DIP2C: variants seen among roughly 807,000 people sequenced by gnomAD.
DIP2C encodes DIP2 acetate--CoA ligase C (putative), also known as disco-interacting protein 2 homolog C.
A neutral mutation model predicts 192.4 loss-of-function variants in DIP2C; 33 were observed. The ratio of observed to expected loss-of-function variants is 0.17; its 90% CI spans 0.13 to 0.23. DIP2C has a LOEUF of 0.23. DIP2C is among the 10% of genes least tolerant of loss of function. DIP2C has a pLI of 1.00. For missense variants in DIP2C, 1,537 were observed against 2,110.1 expected, an observed-to-expected ratio of 0.73 and a Z score of 5.32; for synonymous variants, 979 against 864.1, an observed-to-expected ratio of 1.13 and a Z score of -2.33.
chr10:509,927 G>A (rs1253937806), intron 1 of DIP2C, among the ~76,000 whole-genome samples: 2 of 152,224 alleles, frequency 1.3e-5, no homozygotes, highest in Non-Finnish European at 2.9e-5. Context: ...AAGCTTCCCA[G>A]GGCAGGAGTT....
intron 1 of DIP2C, among the ~76,000 whole-genome samples, chr10:686,219 A>T (rs1242609904): frequency 6.6e-6 from 1 of 152,122 alleles, no homozygotes; most frequent in African/African-American, 2.4e-5. Context: ...CCCAGAATGG[A>T]GCTCCAGATC....
At chr10:649,533 A>AT (rs1855724684) in intron 1 of DIP2C, among the ~76,000 whole-genome samples, 1 of 152,250 alleles carries the variant, frequency 6.6e-6, no homozygotes, top group South Asian at 2.1e-4. Context: ...GTAAAATAAT[A>AT]TAATTTCCTT....
At chr10:506,416 AGT>A (rs1845597157) in intron 1 of DIP2C, among the ~76,000 whole-genome samples, 1 of 152,222 alleles carries the variant, frequency 6.6e-6, no homozygotes, top group African/African-American at 2.4e-5. Flanking sequence ...GGGAAATCTC[AGT>A]GTGTGTAGCC....
chr10:424,258 A>G (rs1966415391), intron 4 of DIP2C, among the ~76,000 whole-genome samples: 1 of 150,214 alleles, frequency 6.7e-6, no homozygotes, highest in African/African-American at 2.5e-5. Flanking sequence ...ACTTATTATC[A>G]CTGTCACATG....
At chr10:619,440 T>C (rs984507849) in intron 1 of DIP2C, among the ~76,000 whole-genome samples, 2 of 149,224 alleles carry the variant, frequency 1.3e-5, no homozygotes, top group Admixed American at 6.7e-5. Context: ...GCACCCACCA[T>C]CTTCAGAGCC....
At chr10:520,636 C>T (rs765430270) in intron 1 of DIP2C, among the ~76,000 whole-genome samples, 12 of 152,208 alleles carry the variant, frequency 7.9e-5, no homozygotes, top group Non-Finnish European at 1.5e-4. Context: ...CTGCCTGCAG[C>T]TCCTTCCGCA....
intron 32 of DIP2C, among the ~76,000 whole-genome samples, chr10:296,176 T>C (rs1955744290): frequency 6.6e-6 from 1 of 152,366 alleles, no homozygotes; most frequent in East Asian, 1.9e-4. Flanking sequence ...TTTGGTGTTT[T>C]AGACATGAAG....
chr10:448,358 CCACT>C (rs138990580), intron 3 of DIP2C, among the ~76,000 whole-genome samples: 11,513 of 133,428 alleles, frequency 0.086, 1,953 homozygotes, highest in African/African-American at 0.32. Context: ...GCAGCAGGAC[CCACT>C]CACTCCCGTC....
chr10:405,839 C>T (rs919565294), intron 9 of DIP2C, among the ~76,000 whole-genome samples: 3 of 152,190 alleles, frequency 2.0e-5, no homozygotes, highest in Admixed American at 6.5e-5. Flanking sequence ...CTCACACAGC[C>T]GGCCCTGCTG....
Position 308,689 on chromosome 10 carries a change from T to TG in DIP2C, c.3986+1341dup, listed in dbSNP as rs751885838. On this transcript the variant is annotated intron_variant, in intron 32 of 36. Coordinates refer to ENST00000280886, the MANE Select transcript of DIP2C (RefSeq NM_014974.3). ...TGGCCTTGGGGGCAGGCGTTGCCTC[T>TG]GGCCCTCAGCCTGCAGGGCCTCCTG... is the stretch of plus-strand genomic sequence containing the variant. 4.7e-4 allele frequency among the ~76,000 whole-genome samples: 71 copies of TG among 152,374 alleles called. 1 individual carries two copies. Among genetic ancestry groups the TG allele is most frequent in the Non-Finnish European group, 8.5e-4 (58 of 68,038 alleles).
At chr10:432,714 G>A (rs1261867382) in intron 4 of DIP2C, among the ~76,000 whole-genome samples, 1 of 151,800 alleles carries the variant, frequency 6.6e-6, no homozygotes, top group African/African-American at 2.4e-5. Flanking sequence ...TTAATTTGCT[G>A]TTCTTTTTCT....
At chr10:437,087 G>C (rs1358772365) in intron 4 of DIP2C, among the ~76,000 whole-genome samples, 1 of 121,874 alleles carries the variant, frequency 8.2e-6, no homozygotes, top group African/African-American at 3.3e-5. Flanking sequence ...AGCTCTCTCT[G>C]AGCTCCACCT....
chr10:621,991 G>A (rs572202910), intron 1 of DIP2C, among the ~76,000 whole-genome samples: 6 of 151,646 alleles, frequency 4.0e-5, no homozygotes, highest in East Asian at 3.9e-4. Context: ...ATGCTCTACC[G>A]TGTGTCTTAG....
At chr10:295,967 G>A (rs1039577878) in intron 32 of DIP2C, among the ~76,000 whole-genome samples, 2 of 152,202 alleles carry the variant, frequency 1.3e-5, no homozygotes, top group Non-Finnish European at 2.9e-5. Flanking sequence ...TGATGGGGTT[G>A]TTTGACTCTT....
intron 32 of DIP2C, among the ~76,000 whole-genome samples, chr10:297,222 C>A (rs1311532851): frequency 8.1e-6 from 1 of 123,520 alleles, no homozygotes; most frequent in Non-Finnish European, 1.6e-5. Context: ...CAAAACCAAC[C>A]CCCCCCCACC....
chr10:439,072 T>C (rs2133259104), intron 4 of DIP2C, among the ~76,000 whole-genome samples: 1 of 152,300 alleles, frequency 6.6e-6, no homozygotes, highest in African/African-American at 2.4e-5. Flanking sequence ...TCTTGAACTC[T>C]TGGGCTCAAG....
intron 1 of DIP2C, among the ~76,000 whole-genome samples, chr10:566,529 G>A (rs1008763193): frequency 3.3e-5 from 5 of 152,202 alleles, no homozygotes; most frequent in Non-Finnish European, 7.3e-5. Context: ...ACACTTACAC[G>A]TTCAGATAGC....
chr10:424,207 G>A (rs1811600722), intron 4 of DIP2C, among the ~76,000 whole-genome samples: 1 of 151,936 alleles, frequency 6.6e-6, no homozygotes, highest in Non-Finnish European at 1.5e-5. Context: ...TTAAGACACG[G>A]GTTTGTTTTT....
At chr10:496,412 G>T (rs868015909) in intron 1 of DIP2C, among the ~76,000 whole-genome samples, 1 of 141,950 alleles carries the variant, frequency 7.0e-6, no homozygotes, top group Admixed American at 7.1e-5. Context: ...CAGAACCCAC[G>T]GTGCCCTCCC....
Sources: gnomAD v4.1 joint callset for allele counts (sites outside exome capture counted in the v4.1 genomes callset) on GRCh38, gnomAD v4.1.1 for gene constraint, MANE v1.5 for transcripts, NCBI Gene and HGNC (gene_info 2026-07-23, HGNC 2026-07-21) for gene names.